SUGCT: variants seen among roughly 807,000 people sequenced by gnomAD.
The protein encoded by SUGCT is succinyl-CoA:glutarate CoA-transferase.
Under a neutral mutation model 55.0 loss-of-function variants are expected in SUGCT, and 41 were observed. That is an observed-to-expected ratio of 0.74 (90% CI 0.58 to 0.97). The LOEUF (loss-of-function observed/expected upper bound fraction) is 0.97, where lower values mean the gene tolerates loss of function less well. SUGCT is among the 50% of genes least tolerant of loss of function. The probability of loss-of-function intolerance (pLI) is 0.00; values close to 1 mark genes in which losing one functional copy is unlikely to be tolerated. For missense variants in SUGCT, 568 were observed against 547.8 expected (o/e 1.04, Z -0.37); for synonymous variants, 187 against 200.4 (o/e 0.93, Z 0.56).
chr7:41,038,531 A>AC, the SUGCT span, among the ~76,000 whole-genome samples: 3 of 152,000 alleles, frequency 2.0e-5, no homozygotes, highest in Non-Finnish European at 4.4e-5. Context: ...TACCCCCAGT[A>AC]CCCCTCTGCC....
intron 9 of SUGCT, among the ~76,000 whole-genome samples, chr7:40,398,198 TCTC>T (rs1785848436): frequency 1.3e-5 from 2 of 152,292 alleles, no homozygotes; most frequent in Non-Finnish European, 2.9e-5. Flanking sequence ...TTCAAGCAAT[TCTC>T]CTGCCTCAGC....
the SUGCT span, among the ~76,000 whole-genome samples, chr7:40,937,418 G>T: frequency 1.3e-5 from 2 of 152,160 alleles, no homozygotes; most frequent in Admixed American, 1.3e-4. Context: ...TGATCCACCT[G>T]CCTTGGCCTC....
chr7:40,710,404 T>C lies in SUGCT; in HGVS notation c.1090-39030T>C, dbSNP rs139524241. On this transcript the variant is annotated intron_variant, in intron 12 of 13. Coordinates refer to ENST00000335693, the MANE Select transcript of SUGCT (RefSeq NM_001193313.2). ...TCTCAGTTTGTGGAAATAATATAGA[T>C]ACAACCCCAGCCTCTGTTTTATAGA... Among the ~76,000 whole-genome samples, 4 of 152,308 alleles carry C rather than the reference T, an allele frequency of 2.6e-5. No homozygotes were observed. The East Asian group carries it at 7.7e-4, about 29-fold the overall frequency.
intron 13 of SUGCT, among the ~76,000 whole-genome samples, chr7:40,854,400 TTTCTTTCTTTCTTTCTTTCCTTTC>T (rs1794023244): frequency 2.1e-5 from 2 of 93,080 alleles, no homozygotes; most frequent in Admixed American, 1.1e-4. Flanking sequence ...AATTTTTTTC[TTTCTTTCTTTCTTTCTTTCCTTTC>T]TTTCTTTCTT....
intron 7 of SUGCT, among the ~76,000 whole-genome samples, chr7:40,238,394 T>C (rs1323079209): frequency 2.0e-5 from 3 of 151,562 alleles, no homozygotes; most frequent in Non-Finnish European, 4.4e-5. Flanking sequence ...AAAAAAAGGC[T>C]CTCGGGGAAA....
intron 7 of SUGCT, among the ~76,000 whole-genome samples, chr7:40,248,875 C>T (rs1337947396): frequency 1.1e-4 from 15 of 141,640 alleles, no homozygotes; most frequent in South Asian, 4.6e-4. Flanking sequence ...CTTTCCAGCG[C>T]GCGCGCGCGC....
chr7:40,603,390 G>A (rs1175188120), intron 12 of SUGCT, among the ~76,000 whole-genome samples: 2 of 152,186 alleles, frequency 1.3e-5, no homozygotes, highest in East Asian at 3.8e-4. Context: ...ATTTGAAGTA[G>A]TCTCTGAATT....
At chr7:40,140,973 C>T (rs971030300) in intron 1 of SUGCT, among the ~76,000 whole-genome samples, 2 of 152,094 alleles carry the variant, frequency 1.3e-5, no homozygotes, top group South Asian at 2.1e-4. Flanking sequence ...TTTCAGCCTA[C>T]GTGCATGGGG....
At chr7:40,588,352 T>TTA (rs1321977177) in intron 12 of SUGCT, among the ~76,000 whole-genome samples, 3 of 152,186 alleles carry the variant, frequency 2.0e-5, no homozygotes, top group Admixed American at 2.0e-4. Context: ...CCTGAAGGTC[T>TTA]TATATCACTC....
the SUGCT span, among the ~76,000 whole-genome samples, chr7:40,876,110 T>A: frequency 6.6e-6 from 1 of 152,242 alleles, no homozygotes; most frequent in Non-Finnish European, 1.5e-5. Context: ...AACATACATT[T>A]ACTTATTGTT....
At chr7:40,290,344 T>C (rs564069457) in intron 8 of SUGCT, among the ~76,000 whole-genome samples, 5 of 152,206 alleles carry the variant, frequency 3.3e-5, no homozygotes, top group African/African-American at 7.2e-5. Flanking sequence ...CCCTCAGAAA[T>C]AATGCCACAT....
At chr7:40,264,785 A>G (rs1474552767) in intron 7 of SUGCT, among the ~76,000 whole-genome samples, 2 of 152,146 alleles carry the variant, frequency 1.3e-5, no homozygotes, top group Admixed American at 6.6e-5. Context: ...GTTTCTAAGT[A>G]TCTCTTGAAT....
intron 8 of SUGCT, among the ~76,000 whole-genome samples, chr7:40,294,655 T>A (rs1794004832): frequency 6.6e-6 from 1 of 152,062 alleles, no homozygotes; most frequent in Non-Finnish European, 1.5e-5. Flanking sequence ...CAAGTGATTC[T>A]CCTGCCTCTG....
the SUGCT span, among the ~76,000 whole-genome samples, chr7:40,875,177 G>A: frequency 2.8e-4 from 42 of 152,288 alleles, no homozygotes; most frequent in South Asian, 6.2e-3. Flanking sequence ...CACATCTTTT[G>A]TATTCTGCTT....
chr7:40,285,147 A>G (rs1028809966), intron 8 of SUGCT, among the ~76,000 whole-genome samples: 1 of 152,198 alleles, frequency 6.6e-6, no homozygotes, highest in Admixed American at 6.5e-5. Context: ...TTCTTATTAG[A>G]TACTTCAAAA....
chr7:40,183,666 C>T (rs1217380889), intron 3 of SUGCT, among the ~76,000 whole-genome samples: 2 of 152,152 alleles, frequency 1.3e-5, no homozygotes, highest in Non-Finnish European at 1.5e-5. Context: ...AACATTTCCC[C>T]ATTTTATAAT....
chr7:40,859,795 ACTT>A (rs1304843578), intron 13 of SUGCT, among the ~76,000 whole-genome samples: 9 of 152,266 alleles, frequency 5.9e-5, no homozygotes, highest in East Asian at 1.9e-4. Flanking sequence ...TGCACACATA[ACTT>A]CTTCTACCAC....
intron 9 of SUGCT, among the ~76,000 whole-genome samples, chr7:40,335,077 G>A (rs1436664849): frequency 1.3e-5 from 2 of 151,984 alleles, no homozygotes; most frequent in Non-Finnish European, 2.9e-5. Context: ...GTGTGGTATT[G>A]TTTCTGAGGG....
At chr7:40,541,971 A>G (rs1251604899) in intron 12 of SUGCT, among the ~76,000 whole-genome samples, 1 of 152,138 alleles carries the variant, frequency 6.6e-6, no homozygotes, top group Non-Finnish European at 1.5e-5. Context: ...GAGCTGTCAC[A>G]GGTAGGAGAT....
Sources: gnomAD v4.1 joint callset for allele counts (sites outside exome capture counted in the v4.1 genomes callset) on GRCh38, gnomAD v4.1.1 for gene constraint, MANE v1.5 for transcripts, NCBI Gene and HGNC (gene_info 2026-07-23, HGNC 2026-07-21) for gene names.